RECK: variants seen among roughly 807,000 people sequenced by gnomAD.
RECK encodes reversion-inducing cysteine-rich protein with Kazal motifs.
Under a neutral mutation model 115.1 loss-of-function variants are expected in RECK, and 69 were observed. That is an observed-to-expected ratio of 0.60 (90% CI 0.49 to 0.73). The LOEUF is 0.73. Ranked by LOEUF, RECK falls within the 30% of genes least tolerant of loss-of-function variation. RECK has a pLI of 0.00. For missense variants in RECK, 1,047 were observed against 1,203.7 expected, an observed-to-expected ratio of 0.87 and a Z score of 1.93; for synonymous variants, 414 against 419.7, an observed-to-expected ratio of 0.99 and a Z score of 0.17.
rs538906886 is a variant in RECK, at chr9:36,110,497, CAAT to C, written c.1888+423_1888+425del. ...ACTTCTTCATCTAGACTCCCACAAACAATAATATCCCAGAATATTACTTTCTTG... is the reference window on the plus strand; with the variant it reads ...ACTTCTTCATCTAGACTCCCACAAACAATATCCCAGAATATTACTTTCTTG... On this transcript the variant is annotated intron_variant, in intron 15 of 20. Coordinates refer to ENST00000377966, the MANE Select transcript of RECK (RefSeq NM_021111.3). 4.4e-4 allele frequency among the ~76,000 whole-genome samples: 67 copies of C among 152,334 alleles called. 2 individuals are homozygous for C. In the South Asian group the frequency reaches 0.013, roughly 30 times the overall value.
intron 6 of RECK, among the ~76,000 whole-genome samples, chr9:36,074,817 T>C (rs984495391): frequency 2.0e-5 from 3 of 152,234 alleles, no homozygotes; most frequent in African/African-American, 7.2e-5. Flanking sequence ...AATAATGTTG[T>C]ATAGTAAACC....
intron 1 of RECK, among the ~76,000 whole-genome samples, chr9:36,038,676 G>A (rs1483317296): frequency 3.9e-5 from 6 of 152,156 alleles, no homozygotes; most frequent in Admixed American, 3.9e-4. Context: ...ATTTAGCGTA[G>A]TAAGCAGTGA....
At chr9:36,101,631 G>T (rs968724469) in intron 11 of RECK, among the ~76,000 whole-genome samples, 1 of 152,178 alleles carries the variant, frequency 6.6e-6, no homozygotes, top group African/African-American at 2.4e-5. Context: ...CCCTATTGAA[G>T]ACCAAGAACA....
At chr9:36,106,037 C>A (rs1394389262) in intron 13 of RECK, among the ~76,000 whole-genome samples, 2 of 151,834 alleles carry the variant, frequency 1.3e-5, no homozygotes, top group Non-Finnish European at 2.9e-5. Flanking sequence ...CATGGTGAAA[C>A]CTTGTCTCTA....
At chr9:36,083,767 C>G (rs1220587416) in intron 8 of RECK, among the ~76,000 whole-genome samples, 1 of 152,088 alleles carries the variant, frequency 6.6e-6, no homozygotes, top group Admixed American at 6.6e-5. Context: ...TATGAGGAAA[C>G]AGGAATTCTC....
intron 2 of RECK, among the ~76,000 whole-genome samples, chr9:36,052,919 G>A (rs758956372): frequency 6.6e-6 from 1 of 152,124 alleles, no homozygotes; most frequent in Non-Finnish European, 1.5e-5. Context: ...TTAAATAGTA[G>A]TATTATACCA....
chr9:36,108,301 C>A, intron 14 of RECK, 137 bp downstream of exon 14: 1 of 572,996 alleles, frequency 1.7e-6, no homozygotes, highest in Non-Finnish European at 2.9e-6. Flanking sequence ...TCAAACTATA[C>A]AGAGCACTAG....
intron 1 of RECK, among the ~76,000 whole-genome samples, chr9:36,037,394 G>A (rs1820709127): frequency 6.6e-6 from 1 of 151,758 alleles, no homozygotes; most frequent in Non-Finnish European, 1.5e-5. Context: ...TCTGCTGCTT[G>A]TCAGAAAAGG....
chr9:36,106,070 G>A (rs539520447), intron 13 of RECK, among the ~76,000 whole-genome samples: 52 of 151,762 alleles, frequency 3.4e-4, no homozygotes, highest in African/African-American at 1.1e-3. Context: ...AATATTAGCC[G>A]GGCACGGTGG....
chr9:36,118,861 C>G lies in RECK; in HGVS notation c.2358C>G (p.Asp786Glu), dbSNP rs1282370568. 9 of 1,613,992 alleles carry G rather than the reference C, an allele frequency of 5.6e-6. No homozygotes were observed. The highest frequency in any genetic ancestry group is 7.6e-6 in the Non-Finnish European group (9 of 1,180,048). The change falls in exon 18 of 21, where the codon GAC becomes GAG. Residue 786 changes from aspartate (D) to glutamate (E), a missense_variant. Asp to Glu is a conservative substitution (Grantham distance 45). Transcript: ENST00000377966. ...SDRVAVDYYG[D>E]CQAVGVLSEH... ...GCGTGGCAGTCGATTACTATGGGGA[C>G]TGCCAGGCCGTCGGAGTCCTCTCAG...
Position 36,105,164 on chromosome 9 carries a change from T to C in RECK, c.1457T>C (p.Ile486Thr). 2 of 1,614,116 alleles carry C rather than the reference T, an allele frequency of 1.2e-6. No homozygotes were observed. Among genetic ancestry groups the C allele is most frequent in the Non-Finnish European group, 1.7e-6 (2 of 1,179,982 alleles). The stretch of plus-strand genomic sequence containing the variant: ...TCAGGGCCAAGTACTTTAGGTAACA[T>C]TGTAGAAGAAGTGACTCATCCCTGT... ...TYLRPSTLGN[I>T]VEEVTHPCNP... The change falls in exon 13 of 21, where the codon ATT becomes ACT. Residue 486 changes from isoleucine (I) to threonine (T), a missense_variant. By Grantham distance (89) the Ile-to-Thr change is moderately conservative. Coordinates refer to ENST00000377966, the MANE Select transcript of RECK (RefSeq NM_021111.3).
At chr9:36,112,162 G>A in intron 15 of RECK, 143 bp from the exon 16 acceptor site, 1 of 557,506 alleles carries the variant, frequency 1.8e-6, no homozygotes, top group East Asian at 3.2e-5. Context: ...AGAGATCGGA[G>A]AGAAGGTTTT....
chr9:36,120,628 T>G, intron 18 of RECK, 35 bp from the exon 19 acceptor site: 2 of 1,497,268 alleles, frequency 1.3e-6, no homozygotes, highest in Non-Finnish European at 1.9e-6. Flanking sequence ...TTGTTTCTAA[T>G]TCTGAACGCA....
In RECK at chr9:36,108,058, T is replaced by G; in HGVS notation, c.1659T>G (p.Gly553=). Residue 553 remains glycine, a synonymous_variant, in exon 14 of 21, where the codon GGT becomes GGG. Transcript: ENST00000377966. ...IQVPSSAGEV[G]CYKICSCGQS... is the part of the protein sequence containing the mutation. ...TGCCATCATCTGCAGGGGAAGTTGG[T>G]TGTTATAAAATCTGTTCATGTGGAC... 6.2e-7 allele frequency: 1 copy of G among 1,614,026 alleles called. No individual in the cohort carries two copies. The highest frequency in any genetic ancestry group is 8.5e-7 in the Non-Finnish European group (1 of 1,179,902).
At chr9:36,079,057 G>A (rs561049589) in intron 6 of RECK, among the ~76,000 whole-genome samples, 11 of 151,988 alleles carry the variant, frequency 7.2e-5, no homozygotes, top group African/African-American at 1.9e-4. Context: ...CACCACGCCC[G>A]GCTAATTTTG....
At chr9:36,108,730 A>G (rs1365217481) in intron 14 of RECK, among the ~76,000 whole-genome samples, 3 of 152,094 alleles carry the variant, frequency 2.0e-5, no homozygotes, top group Non-Finnish European at 4.4e-5. Flanking sequence ...CACTGTTAGG[A>G]GTTTGGAAAA....
At chr9:36,065,906 G>T (rs1821978006) in intron 6 of RECK, among the ~76,000 whole-genome samples, 1 of 152,120 alleles carries the variant, frequency 6.6e-6, no homozygotes, top group South Asian at 2.1e-4. Flanking sequence ...TGTACCCAAG[G>T]TTGTGAAATA....
At position 36,065,623 on chromosome 9, in the gene RECK, AG is replaced by A. The variant is rs1276385316; in HGVS notation, c.405+1del. 6.4e-7 allele frequency: 1 copy of A among 1,569,832 alleles called. No individual in the cohort carries two copies. Among genetic ancestry groups the A allele is most frequent in the East Asian group, 2.3e-5 (1 of 42,808 alleles). On this transcript the variant is annotated frameshift_variant and splice_region_variant, in exon 6 of 21. Transcript: ENST00000377966. LOFTEE classifies it high-confidence loss of function. ...DISKVCRKEY[E>X]NALFSCISRN... ...TCCAAAGTTTGCAGAAAAGAATATG[AG>A]GTATGCATTTTATTTAACAAATGTG...
chr9:36,060,767 T>C (rs1821724639), intron 4 of RECK, among the ~76,000 whole-genome samples: 1 of 152,166 alleles, frequency 6.6e-6, no homozygotes, highest in South Asian at 2.1e-4. Flanking sequence ...AACTGTTAAC[T>C]AATCAGCTCT....
Sources: allele counts gnomAD v4.1 joint callset (sites outside exome capture counted in the v4.1 genomes callset), GRCh38; gene constraint gnomAD v4.1.1; transcripts MANE v1.5; gene names NCBI Gene and HGNC (gene_info 2026-07-23, HGNC 2026-07-21).